OC90: variants seen among roughly 807,000 people sequenced by gnomAD.
OC90 encodes otoconin 90.
A neutral mutation model predicts 47.3 loss-of-function variants in OC90; 46 were observed. The ratio of observed to expected loss-of-function variants is 0.97; its 90% CI spans 0.77 to 1.24. OC90 has a LOEUF of 1.24. OC90 is among the 50% of genes most tolerant of loss of function. The pLI, the probability that OC90 is intolerant of heterozygous loss-of-function variation, is 0.00. For synonymous variants in OC90, 271 were observed against 219.5 expected (o/e 1.23, Z -2.07); for missense variants, 688 against 583.9 (o/e 1.18, Z -1.84).
At chr8:132,032,151 A>T (rs1822886493) in intron 11 of OC90, 99 bp from the exon 12 acceptor site, 1 of 1,036,090 alleles carries the variant, frequency 9.7e-7, no homozygotes, top group Admixed American at 2.0e-5. Context: ...GGACAACTCT[A>T]GTCATGCAAA....
intron 9 of OC90, chr8:132,036,297 A>T (rs1822961259): frequency 1.3e-6 from 1 of 777,742 alleles, no homozygotes; most frequent in Admixed American, 1.7e-5. Flanking sequence ...AGGACTGAGC[A>T]CAGATTTTTA....
At chr8:132,050,450 A>G (rs981298462) in intron 2 of OC90, among the ~76,000 whole-genome samples, 13 of 152,122 alleles carry the variant, frequency 8.5e-5, no homozygotes, top group Non-Finnish European at 1.8e-4. Flanking sequence ...CCTACCTCTA[A>G]GTAAGATCCC....
Position 132,032,989 on chromosome 8 carries a change from C to T in OC90, c.859+50G>A, listed in dbSNP as rs142077703. On this transcript the variant is annotated intron_variant, in intron 11 of 13. Transcript: ENST00000254627. Reference sequence around the variant, plus strand: ...GTGGCCTACGGTGATTGTTCACAGCCTCACCAAAAGATCCCAGCAGCGGAG... The same window carrying T: ...GTGGCCTACGGTGATTGTTCACAGCTTCACCAAAAGATCCCAGCAGCGGAG... 1.9e-4 allele frequency: 303 copies of T among 1,585,850 alleles called. 1 individual carries two copies. The highest frequency in any genetic ancestry group is 2.5e-4 in the Non-Finnish European group (291 of 1,165,714).
chr8:132,029,829 T>A (rs1271762657), intron 12 of OC90, among the ~76,000 whole-genome samples: 1 of 152,196 alleles, frequency 6.6e-6, no homozygotes, highest in Non-Finnish European at 1.5e-5. Flanking sequence ...CAGGTGGACA[T>A]CCTTAAGAAA....
intron 2 of OC90, among the ~76,000 whole-genome samples, chr8:132,050,165 G>T (rs1823192857): frequency 1.5e-5 from 2 of 137,904 alleles, no homozygotes; most frequent in South Asian, 5.1e-4. Context: ...AGGTAAAGGG[G>T]TCAACAGGAG....
chr8:132,041,909 C>A (rs1056186739), intron 4 of OC90, among the ~76,000 whole-genome samples: 10 of 152,100 alleles, frequency 6.6e-5, no homozygotes, highest in Non-Finnish European at 1.5e-4. Flanking sequence ...ACTGACAAAA[C>A]TAGAAAGTTC....
At chr8:132,040,651 TA>T (rs1823038766) in intron 6 of OC90, among the ~76,000 whole-genome samples, 1 of 152,196 alleles carries the variant, frequency 6.6e-6, no homozygotes, top group Non-Finnish European at 1.5e-5. Context: ...AAGCATTGTG[TA>T]ATTTGATTTT....
intron 12 of OC90, among the ~76,000 whole-genome samples, chr8:132,031,040 C>T (rs995672514): frequency 6.6e-6 from 1 of 152,156 alleles, no homozygotes; most frequent in African/African-American, 2.4e-5. Context: ...CTCCATTGGC[C>T]GTGGACAGGG....
chr8:132,028,593 A>AGGAAGGAGGGAAGGAG (rs1337986831), intron 13 of OC90, among the ~76,000 whole-genome samples: 2 of 35,672 alleles, frequency 5.6e-5, no homozygotes, highest in African/African-American at 7.8e-5. Context: ...GAAGGAAGGA[A>AGGAAGGAGGGAAGGAG]GGAAGGAGGG....
rs753651462 is a variant in OC90, at chr8:132,041,529, C to T, written c.340G>A (p.Asp114Asn). Residue 114 changes from aspartate (D) to asparagine (N), a missense_variant, in exon 5 of 14, where the codon GAC (aspartate) becomes AAC (asparagine). By Grantham distance (23) the Asp-to-Asn change is conservative (BLOSUM62 1). Coordinates refer to ENST00000254627, the MANE Select transcript of OC90 (RefSeq NM_001080399.3). ...TCACCTGTGGAACTCACTTACCTGTCAGATTCATCCACAGGCAACCCTTCC... is the reference window on the plus strand; with the variant it reads ...TCACCTGTGGAACTCACTTACCTGTTAGATTCATCCACAGGCAACCCTTCC... ...EMEGLPVDES[D>N]SCCFQHRRCY... The T allele has an allele frequency of 1.1e-5, 18 of 1,610,020 alleles. 1 individual carries two copies. The highest frequency in any genetic ancestry group is 3.4e-5 in the Admixed American group (2 of 59,528).
At chr8:132,031,117 T>A (rs140954863) in intron 12 of OC90, among the ~76,000 whole-genome samples, 1 of 152,390 alleles carries the variant, frequency 6.6e-6, no homozygotes, top group African/African-American at 2.4e-5. Context: ...AAACTCAGGT[T>A]GAGTGCTCCA....
chr8:132,041,099 T>G lies in OC90; in HGVS notation c.402A>C (p.Gln134His). Residue 134 changes from glutamine (Q) to histidine (H), a missense_variant, in exon 6 of 14, where the codon CAA becomes CAC. Transcript: ENST00000254627. ...YEEAAEMDCL[Q>H]DPAKLSTEVN... Reference sequence around the variant, plus strand: ...CCTCTGTGCTAAGTTTGGCGGGGTCTTGGAGACAGTCCATCTCAGCGGCCT... The same window carrying G: ...CCTCTGTGCTAAGTTTGGCGGGGTCGTGGAGACAGTCCATCTCAGCGGCCT... 1 of 1,613,910 alleles carries G rather than the reference T, an allele frequency of 6.2e-7. No individual in the cohort carries two copies. The highest frequency in any genetic ancestry group is 1.1e-5 in the South Asian group (1 of 91,080).
chr8:132,053,070 G>A (rs1823237245), intron 2 of OC90, among the ~76,000 whole-genome samples: 1 of 152,000 alleles, frequency 6.6e-6, no homozygotes, highest in South Asian at 2.1e-4. Context: ...GCACCCTGGG[G>A]CCTGGGATGC....
intron 12 of OC90, among the ~76,000 whole-genome samples, chr8:132,031,103 C>T (rs1822867237): frequency 6.6e-6 from 1 of 152,204 alleles, no homozygotes. Context: ...TGAGAAAATT[C>T]CTCAAACTCA....
Position 132,024,550 on chromosome 8 carries a change from G to A in OC90, c.1365C>T (p.Leu455=), listed in dbSNP as rs200033877. 1.7e-4 allele frequency: 275 copies of A among 1,609,202 alleles called. 2 individuals are homozygous for A. The East Asian group carries it at 2.1e-3, about 12-fold the overall frequency. The stretch of plus-strand genomic sequence containing the variant: ...TCCGCAGAAACCTCTTGGCTCTGCC[G>A]AGGTCCTCCTGTGGAGGGTCCTCCT... ...DSEEDPPQED[L]GRAKRFLRKS... Residue 455 remains leucine (L), a synonymous_variant, in exon 14 of 14, where the codon CTC becomes CTT. Coordinates refer to ENST00000254627, the MANE Select transcript of OC90 (RefSeq NM_001080399.3).
intron 1 of OC90, among the ~76,000 whole-genome samples, chr8:132,058,543 G>T (rs1000381570): frequency 2.6e-5 from 4 of 152,220 alleles, no homozygotes; most frequent in African/African-American, 9.6e-5. Context: ...ACCTGGGCTG[G>T]GGTCAGGGAG....
In OC90 at chr8:132,041,617, C is replaced by T. The variant is rs746417488; in HGVS notation, c.252G>A (p.Lys84=). 8.7e-6 allele frequency: 14 copies of T among 1,612,274 alleles called. 1 individual carries two copies. The highest frequency in any genetic ancestry group is 7.7e-5 in the South Asian group (7 of 90,970). ...CTCGGGGGCAGAGACCAGCCACACA[C>T]TTCATACCATTGACAAACTGGATCA... ...PVLIQFVNGM[K]CVAGLCPRDF... Residue 84 remains lysine (K), a synonymous_variant, in exon 5 of 14, where the codon AAG becomes AAA. Coordinates refer to ENST00000254627, the MANE Select transcript of OC90 (RefSeq NM_001080399.3).
chr8:132,050,933 G>A (rs545574802), intron 2 of OC90, among the ~76,000 whole-genome samples: 46 of 152,124 alleles, frequency 3.0e-4, no homozygotes, highest in Non-Finnish European at 4.4e-4. Flanking sequence ...GGCAGAGGTC[G>A]CAGTGAGCTG....
intron 2 of OC90, among the ~76,000 whole-genome samples, chr8:132,051,997 T>A (rs1823217406): frequency 1.3e-5 from 2 of 152,128 alleles, no homozygotes; most frequent in African/African-American, 4.8e-5. Context: ...CAAAACAGGC[T>A]GATTGTGGTT....
Sources: gnomAD v4.1 joint callset for allele counts (sites outside exome capture counted in the v4.1 genomes callset) on GRCh38, gnomAD v4.1.1 for gene constraint, MANE v1.5 for transcripts, NCBI Gene and HGNC (gene_info 2026-07-23, HGNC 2026-07-21) for gene names.